The following CCDC40 variants were observed in gnomAD, a reference collection of about 807,000 sequenced individuals.
CCDC40 encodes coiled-coil domain 40 molecular ruler complex subunit.
In CCDC40, 104 loss-of-function variants were observed where a neutral mutation model predicts 124.5. That is an observed-to-expected ratio of 0.84 (90% CI 0.71 to 0.98). The LOEUF (loss-of-function observed/expected upper bound fraction) is 0.98, where lower values mean the gene tolerates loss of function less well. CCDC40 is among the 50% of genes least tolerant of loss of function. The pLI is 0.00. For missense variants in CCDC40, 1,463 were observed against 1,503.9 expected, an observed-to-expected ratio of 0.97 and a Z score of 0.45; for synonymous variants, 580 against 602.9, an observed-to-expected ratio of 0.96 and a Z score of 0.56.
Position 80,087,495 on chromosome 17 carries a change from A to T in CCDC40, c.2450-112A>T. The T allele has an allele frequency of 2.6e-6, 2 of 783,090 alleles. No homozygotes were observed. Among genetic ancestry groups the T allele is most frequent in the Non-Finnish European group, 4.5e-6 (2 of 446,342 alleles). The allele number at this position is 783,090 out of a possible 1,614,324, so 48.5% of individuals were successfully genotyped here. On this transcript the variant is annotated intron_variant, in intron 14 of 19. Coordinates refer to ENST00000397545, the MANE Select transcript of CCDC40 (RefSeq NM_017950.4). This position sits in a 1 kb window ranked among gnomAD's most constrained non-coding sequence, Gnocchi z 4.5. ...AGGAACGACAAGAGGGAGGGGATGA[A>T]GGGAGCTACAGGGAGAGACAAAACC...
chr17:80,085,441 TG>T (rs1325074573), intron 13 of CCDC40, among the ~76,000 whole-genome samples: 3 of 152,190 alleles, frequency 2.0e-5, no homozygotes, highest in Non-Finnish European at 4.4e-5. Context: ...AAAGCCCCTT[TG>T]GGTTCCAGAG....
At chr17:80,049,823 A>G in intron 5 of CCDC40, 83 bp from the exon 6 acceptor site, 2 of 1,145,052 alleles carry the variant, frequency 1.7e-6, no homozygotes, top group Non-Finnish European at 1.3e-6. Context: ...CCGGAGGGAG[A>G]CCTGTGGCCA....
rs2038664683 is a variant in CCDC40 at position 80,089,825 on chromosome 17, G to A, written c.2773G>A (p.Asp925Asn). Residue 925 changes from aspartate (D) to asparagine (N), a missense_variant, in exon 17 of 20, where the codon GAT (aspartate) becomes AAT (asparagine). Asp to Asn is a conservative substitution (Grantham distance 23). Transcript: ENST00000397545. ...GGCAAAAGAGATGCGTTCCTCAGTGGATTCCGAGATCGGCCAGACGGAGAT... is the reference window on the plus strand; with the variant it reads ...GGCAAAAGAGATGCGTTCCTCAGTGAATTCCGAGATCGGCCAGACGGAGAT... ...QLAKEMRSSVDSEIGQTEIRA... is the reference protein window; with the variant it reads ...QLAKEMRSSVNSEIGQTEIRA... 3 of 1,614,144 alleles carry A rather than the reference G, an allele frequency of 1.9e-6. No individual in the cohort carries two copies. The highest frequency in any genetic ancestry group is 2.7e-5 in the African/African-American group (2 of 74,958).
In CCDC40 at chr17:80,094,247, G is replaced by GAAA. The variant is rs56368314; in HGVS notation, c.2833-1002_2833-1000dup. On this transcript the variant is annotated intron_variant, in intron 17 of 19. Coordinates refer to ENST00000397545, the MANE Select transcript of CCDC40 (RefSeq NM_017950.4). ...ACCACGGTGAAACCCTGTCTCTACT[G>GAAA]AAAAAAAAAAAAAAAATAGCCAGGC... is the stretch of plus-strand genomic sequence containing the variant. 1.9e-3 allele frequency among the ~76,000 whole-genome samples: 256 copies of GAAA among 133,594 alleles called. 3 individuals are homozygous for GAAA. In the Middle Eastern group the frequency reaches 0.02, roughly 10 times the overall value. 87.6% of individuals were successfully genotyped at this position (133,594 alleles called of 152,430 possible).
intron 17 of CCDC40, among the ~76,000 whole-genome samples, chr17:80,091,780 T>C (rs559943989): frequency 1.2e-4 from 18 of 152,278 alleles, no homozygotes; most frequent in Non-Finnish European, 2.2e-4. Flanking sequence ...TTCTTTTTTT[T>C]TTCTTCTAGA....
At chr17:80,090,998 C>T (rs2038712102) in intron 17 of CCDC40, among the ~76,000 whole-genome samples, 1 of 152,204 alleles carries the variant, frequency 6.6e-6, no homozygotes, top group East Asian at 1.9e-4. Context: ...CGGGCTGCTC[C>T]TCCCTGTCCC....
rs774203978 is a variant in CCDC40, at chr17:80,048,642, G to A, written c.736G>A (p.Asp246Asn). 1 of 1,614,026 alleles carries A rather than the reference G, an allele frequency of 6.2e-7. No homozygotes were observed. Among genetic ancestry groups the A allele is most frequent in the Non-Finnish European group, 8.5e-7 (1 of 1,180,018 alleles). The change falls in exon 5 of 20, where the codon GAC (aspartate) becomes AAC (asparagine). Residue 246 changes from aspartate (D) to asparagine (N), a missense_variant. Asp to Asn is a conservative substitution (Grantham distance 23). Coordinates refer to ENST00000397545, the MANE Select transcript of CCDC40 (RefSeq NM_017950.4). Reference protein sequence around the residue: ...PREGDLPVFQDQIQQPSTEEG... With the variant: ...PREGDLPVFQNQIQQPSTEEG... ...GGAAGGAGACCTGCCAGTGTTCCAG[G>A]ACCAGATCCAGCAGCCCAGCACCGA...
intron 4 of CCDC40, 95 bp from the exon 5 acceptor site, chr17:80,048,477 ATGCTGCATGAG>A: frequency 1.1e-6 from 1 of 900,778 alleles, no homozygotes. Context: ...CTTTCCCATC[ATGCTGCATGAG>A]GCATGACAGC....
rs749295941 is a variant in CCDC40, at chr17:80,087,762, G to A, written c.2605G>A (p.Val869Met). Residue 869 changes from valine to methionine, a missense_variant, in exon 15 of 20, where the codon GTG becomes ATG. Physicochemically the swap from Val to Met is conservative, Grantham distance 21 (BLOSUM62 1). Transcript: ENST00000397545. This position sits in a 1 kb window ranked among gnomAD's most constrained non-coding sequence, Gnocchi z 4.5. The stretch of plus-strand genomic sequence containing the variant: ...CAACCGGGTGACAGAGAATGAGTTC[G>A]TGCGCTCGCTGAAGGTCCGGCCGTG... The part of the protein sequence containing the change: ...QNNRVTENEF[V>M]RSLKASERET... 56 of 1,613,970 alleles carry A rather than the reference G, an allele frequency of 3.5e-5. No individual in the cohort carries two copies. Among genetic ancestry groups the A allele is most frequent in the Non-Finnish European group, 4.3e-5 (51 of 1,179,984 alleles).
At chr17:80,080,722 T>C (rs2038427576) in intron 10 of CCDC40, among the ~76,000 whole-genome samples, 1 of 152,196 alleles carries the variant, frequency 6.6e-6, no homozygotes, top group South Asian at 2.1e-4. Context: ...ATAATCACAG[T>C]ACAAAAGAGT....
At chr17:80,070,602 C>T (rs1172493628) in intron 10 of CCDC40, among the ~76,000 whole-genome samples, 4 of 151,080 alleles carry the variant, frequency 2.6e-5, no homozygotes, top group Non-Finnish European at 4.4e-5. Context: ...CCCTGTCTCT[C>T]AAAAAATTTT....
At chr17:80,072,508 G>C (rs1015025365) in intron 10 of CCDC40, among the ~76,000 whole-genome samples, 2 of 151,988 alleles carry the variant, frequency 1.3e-5, no homozygotes, top group African/African-American at 2.4e-5. Context: ...CATTTATAAG[G>C]CTGCTCCTTC....
At chr17:80,055,873 G>A (rs905092183) in intron 7 of CCDC40, among the ~76,000 whole-genome samples, 3 of 149,390 alleles carry the variant, frequency 2.0e-5, no homozygotes, top group Non-Finnish European at 4.4e-5. Context: ...TTCCCAGGCT[G>A]GAATGCAATG....
intron 19 of CCDC40, 58 bp from the exon 20 acceptor site, chr17:80,099,469 A>G: frequency 6.3e-7 from 1 of 1,587,658 alleles, no homozygotes; most frequent in Non-Finnish European, 8.5e-7. Context: ...GTGGGGGGCC[A>G]GCAGGTGTCT....
intron 1 of CCDC40, among the ~76,000 whole-genome samples, chr17:80,037,698 T>TATATATATATATATATAC (rs1568665127): frequency 1.3e-5 from 1 of 77,934 alleles, no homozygotes; most frequent in East Asian, 2.9e-4. Flanking sequence ...AAGATATACA[T>TATATATATATATATATAC]ATATATATAT....
At chr17:80,090,014 G>A (rs902289266) in intron 17 of CCDC40, 130 bp downstream of exon 17, 64 of 1,538,262 alleles carry the variant, frequency 4.2e-5, no homozygotes, top group Middle Eastern at 4.5e-4. Flanking sequence ...TTGGCTGGTG[G>A]CAATGGGTGA....
chr17:80,064,662 C>G (rs1054680220), intron 9 of CCDC40, among the ~76,000 whole-genome samples: 6 of 151,750 alleles, frequency 4.0e-5, no homozygotes, highest in Admixed American at 1.3e-4. Context: ...CCTGAACCAC[C>G]CCCCTAGTTT....
At chr17:80,083,864 G>C (rs1198915306) in intron 12 of CCDC40, among the ~76,000 whole-genome samples, 1 of 152,214 alleles carries the variant, frequency 6.6e-6, no homozygotes. Context: ...AAACTATGCT[G>C]CAAATGTGAT....
chr17:80,068,749 G>A (rs1014002684), intron 10 of CCDC40, among the ~76,000 whole-genome samples: 3 of 152,144 alleles, frequency 2.0e-5, no homozygotes, highest in Non-Finnish European at 4.4e-5. Context: ...CCTGGAGTTA[G>A]TTTACATGAA....
Sources: allele counts gnomAD v4.1 joint callset (sites outside exome capture counted in the v4.1 genomes callset), GRCh38; gene constraint gnomAD v4.1.1; non-coding constraint Gnocchi (gnomAD v3.1); transcripts MANE v1.5; gene names NCBI Gene and HGNC (gene_info 2026-07-23, HGNC 2026-07-21).